The following WEE2 variants were observed in gnomAD, a reference collection of about 807,000 sequenced individuals.
WEE2 encodes WEE2 oocyte meiosis inhibiting kinase, also known as wee1-like protein kinase 2.
Under a neutral mutation model 60.1 loss-of-function variants are expected in WEE2, and 50 were observed. The observed-to-expected ratio is 0.83, with a 90% CI of 0.66 to 1.05. The LOEUF is 1.05. Ranked by LOEUF, WEE2 falls within the 50% of genes least tolerant of loss-of-function variation. The probability of loss-of-function intolerance (pLI) is 0.00; values close to 1 mark genes in which losing one functional copy is unlikely to be tolerated. For synonymous variants in WEE2, 240 were observed against 241.0 expected (o/e 1.00, Z 0.04); for missense variants, 631 against 684.3 (o/e 0.92, Z 0.87).
chr7:141,717,242 C>T (rs1798820209), intron 3 of WEE2, among the ~76,000 whole-genome samples: 1 of 152,054 alleles, frequency 6.6e-6, no homozygotes. Context: ...TTTGTTTTTC[C>T]TTTAAATTTT....
chr7:141,720,770 T>C, intron 4 of WEE2, 165 bp from the exon 5 acceptor site: 1 of 828,616 alleles, frequency 1.2e-6, no homozygotes, highest in Non-Finnish European at 1.8e-6. Context: ...CCACTGTATA[T>C]TACCAAATGA....
At chr7:141,718,982 T>A in intron 3 of WEE2, 90 bp from the exon 4 acceptor site, 3 of 1,302,638 alleles carry the variant, frequency 2.3e-6, no homozygotes, top group Non-Finnish European at 2.1e-6. Flanking sequence ...TTTGAAAACT[T>A]GGAGCAACTT....
At chr7:141,722,407 A>G (rs1049578530) in intron 5 of WEE2, among the ~76,000 whole-genome samples, 15 of 152,208 alleles carry the variant, frequency 9.9e-5, no homozygotes, top group Non-Finnish European at 1.9e-4. Flanking sequence ...TCCGTCTCAA[A>G]AAAAAAGAAA....
chr7:141,712,497 AG>A (rs1175546108), intron 1 of WEE2, among the ~76,000 whole-genome samples: 7 of 152,108 alleles, frequency 4.6e-5, no homozygotes, highest in African/African-American at 1.7e-4. Flanking sequence ...TCCAAGCAGA[AG>A]TTCTTTTCAT....
At chr7:141,720,623 G>T (rs1306893500) in intron 4 of WEE2, among the ~76,000 whole-genome samples, 1 of 151,980 alleles carries the variant, frequency 6.6e-6, no homozygotes, top group Non-Finnish European at 1.5e-5. Flanking sequence ...ACCACTTAAA[G>T]CTCCTCTTTA....
intron 1 of WEE2, among the ~76,000 whole-genome samples, chr7:141,713,538 A>G (rs1798742427): frequency 6.6e-6 from 1 of 152,208 alleles, no homozygotes; most frequent in Non-Finnish European, 1.5e-5. Context: ...GCCACTGCAA[A>G]GATCTGAATC....
rs1191569127 is a variant in WEE2 at position 141,716,819 on chromosome 7, G to C, written c.585+552G>C. ...AAAGATAATGGAAAAAAGGGGCATA[G>C]AGCCAGAGATTTATATGTAAAATTT... On this transcript the variant is annotated intron_variant, in intron 3 of 11. Coordinates refer to ENST00000397541, the MANE Select transcript of WEE2 (RefSeq NM_001105558.1). Among the ~76,000 whole-genome samples, 3 of 152,158 alleles carry C rather than the reference G, an allele frequency of 2.0e-5. No individual in the cohort carries two copies. In the East Asian group the frequency reaches 5.8e-4, roughly 29 times the overall value.
intron 1 of WEE2, among the ~76,000 whole-genome samples, chr7:141,709,891 A>G (rs1048952619): frequency 1.3e-5 from 2 of 152,116 alleles, no homozygotes; most frequent in African/African-American, 2.4e-5. Context: ...ATGGTGTGTG[A>G]GTCCTAGGAT....
intron 3 of WEE2, among the ~76,000 whole-genome samples, chr7:141,717,965 A>G (rs1378569517): frequency 6.6e-6 from 1 of 152,152 alleles, no homozygotes; most frequent in African/African-American, 2.4e-5. Flanking sequence ...ATGGGAAACA[A>G]TTAGGCATCT....
intron 1 of WEE2, among the ~76,000 whole-genome samples, chr7:141,709,484 T>C (rs562367492): frequency 2.6e-5 from 4 of 152,226 alleles, no homozygotes; most frequent in Admixed American, 2.6e-4. Flanking sequence ...TCAGCCAATG[T>C]TACAGACAGG....
chr7:141,719,546 G>A (rs2117113392), intron 4 of WEE2, among the ~76,000 whole-genome samples: 1 of 152,280 alleles, frequency 6.6e-6, no homozygotes, highest in South Asian at 2.1e-4. Flanking sequence ...CACCTCCTGG[G>A]TTCAAGTGAT....
chr7:141,713,580 A>C (rs148384769), intron 1 of WEE2, among the ~76,000 whole-genome samples: 1 of 152,318 alleles, frequency 6.6e-6, no homozygotes, highest in South Asian at 2.1e-4. Context: ...TTTCAATCTC[A>C]TTACCGCACT....
Position 141,727,469 on chromosome 7 carries a change from G to A in WEE2, c.1535+23G>A, listed in dbSNP as rs771236537. On this transcript the variant is annotated intron_variant, in intron 10 of 11. Transcript: ENST00000397541. ...AAGGTATATTTTTGGATGATGGGGG[G>A]TCAAGAAAGAATCTGAGCACTACTC... 5.6e-6 allele frequency: 9 copies of A among 1,612,974 alleles called. No individual in the cohort carries two copies. The East Asian group carries it at 1.8e-4, about 32-fold the overall frequency.
rs190800181 is a variant in WEE2 at position 141,711,058 on chromosome 7, C to T, written c.342+1958C>T. On this transcript the variant is annotated intron_variant, in intron 1 of 11. Coordinates refer to ENST00000397541, the MANE Select transcript of WEE2 (RefSeq NM_001105558.1). This position sits in a 1 kb window ranked among gnomAD's most constrained non-coding sequence, Gnocchi z 4.2. ...ACTTGATGGAGAGGTCGAGGGAAAACGAAAACAATCTGATGACTGAGGTTT... is the reference window on the plus strand; with the variant it reads ...ACTTGATGGAGAGGTCGAGGGAAAATGAAAACAATCTGATGACTGAGGTTT... 1.5e-3 allele frequency among the ~76,000 whole-genome samples: 222 copies of T among 152,100 alleles called. No individual in the cohort carries two copies. Among genetic ancestry groups the T allele is most frequent in the Admixed American group, 4.3e-3 (66 of 15,278 alleles).
At chr7:141,716,525 C>T (rs372316335) in intron 3 of WEE2, among the ~76,000 whole-genome samples, 1 of 150,048 alleles carries the variant, frequency 6.7e-6, no homozygotes, top group East Asian at 2.0e-4. Context: ...CTCTCCTTCT[C>T]TCCTCCCCTC....
chr7:141,730,371 C>T lies in WEE2; in HGVS notation c.*51C>T, dbSNP rs115241939. 3.1e-4 allele frequency: 481 copies of T among 1,556,566 alleles called. 3 individuals are homozygous for T. In the African/African-American group the frequency reaches 5.4e-3, roughly 18 times the overall value. On this transcript the variant is annotated 3_prime_UTR_variant, in exon 12 of 12. Coordinates refer to ENST00000397541, the MANE Select transcript of WEE2 (RefSeq NM_001105558.1). ...GTTTGGCCTATGGATTACGAGGTTG[C>T]TGTTGCTGATTCCCCACCAAAGATC...
chr7:141,730,505 C>T lies in WEE2; in HGVS notation c.*185C>T, dbSNP rs1584749706. The stretch of plus-strand genomic sequence containing the variant: ...ACAGCGCTTCCCAGGTTATATGATG[C>T]TGTTCCTAAGAGAGAATTCCCAGCT... On this transcript the variant is annotated 3_prime_UTR_variant, in exon 12 of 12. Transcript: ENST00000397541. 1.7e-6 allele frequency: 1 copy of T among 572,722 alleles called. No homozygotes were observed. Among genetic ancestry groups the T allele is most frequent in the East Asian group, 3.0e-5 (1 of 33,718 alleles). 35.5% of individuals were successfully genotyped at this position (572,722 alleles called of 1,614,324 possible). A position where few individuals can be genotyped will look rare whatever the true frequency, so the allele number is the denominator to read the frequency against.
chr7:141,712,185 A>T (rs746491343), intron 1 of WEE2, among the ~76,000 whole-genome samples: 2 of 152,170 alleles, frequency 1.3e-5, no homozygotes, highest in Non-Finnish European at 2.9e-5. Context: ...CATCATATTG[A>T]CTGGGCCTTT....
At position 141,708,708 on chromosome 7, in the gene WEE2, G is replaced by A. The variant is rs749090629; in HGVS notation, c.-51G>A. On this transcript the variant is annotated 5_prime_UTR_variant, in exon 1 of 12. Transcript: ENST00000397541. ...CTCCCTGCTTCTGTAGGTTCACAGCGTTCCCTTCTGATAGAGCTTTTTGTC... is the reference window on the plus strand; with the variant it reads ...CTCCCTGCTTCTGTAGGTTCACAGCATTCCCTTCTGATAGAGCTTTTTGTC... 50 of 1,504,256 alleles carry A rather than the reference G, an allele frequency of 3.3e-5. No individual in the cohort carries two copies. Among genetic ancestry groups the A allele is most frequent in the Non-Finnish European group, 4.4e-5 (48 of 1,099,750 alleles). The allele number at this position is 1,504,256 out of a possible 1,614,324, so 93.2% of individuals were successfully genotyped here.
Sources: gnomAD v4.1 joint callset for allele counts (sites outside exome capture counted in the v4.1 genomes callset) on GRCh38, gnomAD v4.1.1 for gene constraint, Gnocchi (gnomAD v3.1) non-coding constraint, MANE v1.5 for transcripts, NCBI Gene and HGNC (gene_info 2026-07-23, HGNC 2026-07-21) for gene names.